The following PRPF39 variants were observed in gnomAD, a reference collection of about 807,000 sequenced individuals.
PRPF39 encodes pre-mRNA processing factor 39.
In PRPF39, 27 loss-of-function variants were observed where a neutral mutation model predicts 82.1. The observed-to-expected ratio is 0.33, with a 90% confidence interval of 0.24 to 0.45. PRPF39 has a LOEUF of 0.45. Among genes scored for constraint, PRPF39 ranks in the 20% least tolerant of loss-of-function variants. The pLI is 1.00. For missense variants in PRPF39, 581 were observed against 796.9 expected (o/e 0.73, Z 3.26); for synonymous variants, 261 against 256.4 (o/e 1.02, Z -0.17).
chr14:45,091,429 C>T (rs887673962), intron 1 of PRPF39, among the ~76,000 whole-genome samples: 2 of 152,204 alleles, frequency 1.3e-5, no homozygotes, highest in Admixed American at 6.5e-5. Context: ...GTGTGAGCCA[C>T]CTTTCCTGGC....
chr14:45,098,534 T>C (rs1367106128), intron 4 of PRPF39, among the ~76,000 whole-genome samples: 1 of 152,232 alleles, frequency 6.6e-6, no homozygotes, highest in African/African-American at 2.4e-5. Flanking sequence ...TTTTGGTTTT[T>C]AATTGCTCCT....
chr14:45,114,725 G>C, intron 13 of PRPF39, 111 bp downstream of exon 13: 1 of 1,404,586 alleles, frequency 7.1e-7, no homozygotes, highest in Non-Finnish European at 9.7e-7. Context: ...TACATTCTTT[G>C]GTGGTTAAGT....
At chr14:45,109,287 C>T (rs1420584731) in intron 7 of PRPF39, among the ~76,000 whole-genome samples, 1 of 152,192 alleles carries the variant, frequency 6.6e-6, no homozygotes, top group African/African-American at 2.4e-5. Context: ...CAGAGTTCCC[C>T]TCTCCACTCC....
At chr14:45,111,296 CTGTT>C (rs924234319) in intron 10 of PRPF39, among the ~76,000 whole-genome samples, 16 of 151,612 alleles carry the variant, frequency 1.1e-4, no homozygotes, top group African/African-American at 3.4e-4. Flanking sequence ...ATTGCCAGGT[CTGTT>C]TAAGATACAG....
At chr14:45,095,994 A>G in intron 2 of PRPF39, 109 bp from the exon 3 acceptor site, 1 of 1,045,202 alleles carries the variant, frequency 9.6e-7, no homozygotes, top group Middle Eastern at 3.1e-4. Context: ...GGAGTTTTTA[A>G]GCCTGCCATT....
intron 1 of PRPF39, among the ~76,000 whole-genome samples, chr14:45,091,427 C>A (rs182649482): frequency 1.2e-4 from 19 of 152,280 alleles, no homozygotes; most frequent in African/African-American, 4.3e-4. Context: ...AGGTGTGAGC[C>A]ACCTTTCCTG....
chr14:45,109,591 T>A, intron 7 of PRPF39, 25 bp from the exon 8 acceptor site: 1 of 1,579,016 alleles, frequency 6.3e-7, no homozygotes, highest in Non-Finnish European at 8.6e-7. Flanking sequence ...TTTACTTTCA[T>A]TGGCATGTTA....
chr14:45,097,097 T>G (rs989780221), intron 4 of PRPF39, 92 bp downstream of exon 4: 3 of 1,411,274 alleles, frequency 2.1e-6, no homozygotes, highest in Non-Finnish European at 2.8e-6. Flanking sequence ...AGCTGGAAGT[T>G]TAACTTCTAT....
At chr14:45,096,012 AT>A in intron 2 of PRPF39, 90 bp from the exon 3 acceptor site, 2 of 1,186,032 alleles carry the variant, frequency 1.7e-6, no homozygotes, top group Non-Finnish European at 1.2e-6. Flanking sequence ...ATTTATTATT[AT>A]TTTTTTAGAT....
intron 6 of PRPF39, among the ~76,000 whole-genome samples, chr14:45,107,843 T>G (rs1050801220): frequency 3.3e-5 from 5 of 151,870 alleles, no homozygotes; most frequent in African/African-American, 1.2e-4. Context: ...GTGGGAAGAT[T>G]GCTTGAACCT....
At chr14:45,108,940 T>G (rs1055098663) in intron 7 of PRPF39, among the ~76,000 whole-genome samples, 18 of 152,196 alleles carry the variant, frequency 1.2e-4, no homozygotes, top group African/African-American at 3.6e-4. Context: ...TTCACCCATT[T>G]AAAGTATACA....
At chr14:45,091,380 G>A (rs1594723965) in intron 1 of PRPF39, among the ~76,000 whole-genome samples, 1 of 152,044 alleles carries the variant, frequency 6.6e-6, no homozygotes, top group Non-Finnish European at 1.5e-5. Context: ...GGCTTCAAGC[G>A]ATCCACCCAC....
intron 5 of PRPF39, among the ~76,000 whole-genome samples, chr14:45,103,243 A>G (rs1484718232): frequency 6.6e-6 from 1 of 152,068 alleles, no homozygotes; most frequent in Non-Finnish European, 1.5e-5. Context: ...GTATCCTTTT[A>G]TTTTAATGAT....
At chr14:45,096,632 T>C in intron 3 of PRPF39, 1 of 1,484,970 alleles carries the variant, frequency 6.7e-7, no homozygotes, top group Non-Finnish European at 9.0e-7. Flanking sequence ...CTGTGCCCTA[T>C]GGTCTGTAAC....
At chr14:45,112,192 TG>T (rs1466643592) in intron 10 of PRPF39, 125 bp from the exon 11 acceptor site, 1 of 846,914 alleles carries the variant, frequency 1.2e-6, no homozygotes, top group African/African-American at 1.8e-5. Context: ...ACATTTAGCA[TG>T]AGTTGTATTT....
intron 4 of PRPF39, among the ~76,000 whole-genome samples, chr14:45,098,457 AAAAAAGAG>A (rs1566693642): frequency 6.6e-6 from 1 of 151,264 alleles, no homozygotes; most frequent in South Asian, 2.1e-4. Context: ...AAAAAAAAAA[AAAAAAGAG>A]AGAGAGATCA....
intron 3 of PRPF39, chr14:45,096,471 G>A (rs1884205644): frequency 6.8e-7 from 1 of 1,465,576 alleles, no homozygotes; most frequent in Admixed American, 2.1e-5. Context: ...GCAAGCCTCT[G>A]TATTACACTG....
rs1037730447 is a variant in PRPF39 at position 45,099,213 on chromosome 14, G to A, written c.569+2208G>A. Among the ~76,000 whole-genome samples the A allele has an allele frequency of 3.3e-5, 5 of 152,044 alleles. No homozygotes were observed. The South Asian group carries it at 1.0e-3, about 32-fold the overall frequency. On this transcript the variant is annotated intron_variant, in intron 4 of 13. Coordinates refer to ENST00000355765, the MANE Select transcript of PRPF39 (RefSeq NM_017922.4). The stretch of plus-strand genomic sequence containing the variant: ...GATTGGGTGAGTCTTTTCATTCTGA[G>A]ATTCTAATGTCCTTCTATTCTTAGA...
At chr14:45,107,685 T>G in intron 6 of PRPF39, 69 bp downstream of exon 6, 2 of 1,455,418 alleles carry the variant, frequency 1.4e-6, no homozygotes, top group East Asian at 2.5e-5. Flanking sequence ...TCGCAGCACT[T>G]TGGGAGGCCA....
Sources: allele counts gnomAD v4.1 joint callset (sites outside exome capture counted in the v4.1 genomes callset), GRCh38; gene constraint gnomAD v4.1.1; transcripts MANE v1.5; gene names NCBI Gene and HGNC (gene_info 2026-07-23, HGNC 2026-07-21).